PIEZO2: variants seen among roughly 807,000 people sequenced by gnomAD.
The protein encoded by PIEZO2 is piezo-type mechanosensitive ion channel component 2.
In PIEZO2, 172 loss-of-function variants were observed where a neutral mutation model predicts 337.3. That is an observed-to-expected ratio of 0.51 (90% CI 0.45 to 0.58). The LOEUF (loss-of-function observed/expected upper bound fraction) is 0.58, where lower values mean the gene tolerates loss of function less well. Ranked by LOEUF, PIEZO2 falls within the 20% of genes least tolerant of loss-of-function variation. PIEZO2 has a pLI of 0.00. For synonymous variants in PIEZO2, 1,251 were observed against 1,228.5 expected (o/e 1.02, Z -0.38); for missense variants, 3,028 against 3,391.3 (o/e 0.89, Z 2.66).
At chr18:10,918,915 T>C (rs1352877647) in intron 3 of PIEZO2, among the ~76,000 whole-genome samples, 2 of 152,054 alleles carry the variant, frequency 1.3e-5, no homozygotes, top group African/African-American at 4.8e-5. Context: ...ACTATACCTA[T>C]ATCTTTGAAC....
At chr18:10,720,609 C>T (rs1358814464) in intron 36 of PIEZO2, among the ~76,000 whole-genome samples, 2 of 150,348 alleles carry the variant, frequency 1.3e-5, no homozygotes, top group Non-Finnish European at 3.0e-5. Context: ...TGTGCAACAC[C>T]ACACCTGACT....
At position 10,854,695 on chromosome 18, in the gene PIEZO2, AT is replaced by A. The variant is rs2041652937; in HGVS notation, c.917+657del. On this transcript the variant is annotated intron_variant, in intron 7 of 55. Coordinates refer to ENST00000674853, the MANE Select transcript of PIEZO2 (RefSeq NM_001378183.1). This position sits in a 1 kb window ranked among gnomAD's most constrained non-coding sequence, Gnocchi z 4.6. ...TCTCTCTCACACCAGAGACTTATGT[AT>A]TTTCTTATTTATTTGTTTGTTGGTT... is the stretch of plus-strand genomic sequence containing the variant. Among the ~76,000 whole-genome samples the A allele has an allele frequency of 1.3e-5, 2 of 151,994 alleles. No individual in the cohort carries two copies. The highest frequency in any genetic ancestry group is 4.2e-4 in the South Asian group (2 of 4,804).
chr18:10,782,255 T>C (rs1372932165), intron 17 of PIEZO2, among the ~76,000 whole-genome samples: 3 of 104,828 alleles, frequency 2.9e-5, no homozygotes, highest in African/African-American at 1.1e-4. Context: ...TATGATATAT[T>C]ATATTATTAT....
At chr18:10,891,370 T>G (rs2144934582) in intron 4 of PIEZO2, among the ~76,000 whole-genome samples, 1 of 152,234 alleles carries the variant, frequency 6.6e-6, no homozygotes, top group African/African-American at 2.4e-5. Context: ...CAGTAAAAAG[T>G]TTGACTACCA....
chr18:11,103,059 G>A (rs1359857983), intron 1 of PIEZO2, among the ~76,000 whole-genome samples: 4 of 152,112 alleles, frequency 2.6e-5, no homozygotes, highest in Non-Finnish European at 4.4e-5. Flanking sequence ...TTGTGGAGGG[G>A]TTTGAGAGGA....
chr18:10,684,060 CCCTTCCTTCCTTCCTTTTT>C (rs1169253441), intron 49 of PIEZO2, among the ~76,000 whole-genome samples: 6 of 147,438 alleles, frequency 4.1e-5, no homozygotes, highest in South Asian at 4.4e-4. Flanking sequence ...CTCCCTCCCT[CCCTTCCTTCCTTCCTTTTT>C]CCTTCCTTCC....
At chr18:10,718,119 A>G in intron 37 of PIEZO2, 81 bp downstream of exon 37, 2 of 1,218,410 alleles carry the variant, frequency 1.6e-6, no homozygotes, top group Non-Finnish European at 2.3e-6. Context: ...ACAATTTTTC[A>G]GGCAGCCTTC....
chr18:10,865,119 G>A (rs1187051530), intron 5 of PIEZO2, among the ~76,000 whole-genome samples: 1 of 152,166 alleles, frequency 6.6e-6, no homozygotes, highest in Non-Finnish European at 1.5e-5. Flanking sequence ...AGAAGGGCAG[G>A]GTGGCTACAG....
At chr18:10,937,482 A>G (rs1287151417) in intron 3 of PIEZO2, among the ~76,000 whole-genome samples, 1 of 152,170 alleles carries the variant, frequency 6.6e-6, no homozygotes, top group Non-Finnish European at 1.5e-5. Flanking sequence ...ATTATTGGGA[A>G]GTCTCACAGA....
intron 20 of PIEZO2, among the ~76,000 whole-genome samples, chr18:10,771,639 A>G (rs2038607193): frequency 6.6e-6 from 1 of 152,238 alleles, no homozygotes; most frequent in South Asian, 2.1e-4. Flanking sequence ...TGCTTACAGT[A>G]GTTCTCTTTT....
At position 10,698,994 on chromosome 18, in the gene PIEZO2, T is replaced by C. The variant is rs892945487; in HGVS notation, c.6625A>G (p.Arg2209Gly). The C allele has an allele frequency of 2.6e-6, 4 of 1,536,984 alleles. No homozygotes were observed. The highest frequency in any genetic ancestry group is 8.7e-7 in the Non-Finnish European group (1 of 1,146,904). The change falls in exon 44 of 56, where the codon AGG (arginine) becomes GGG (glycine). Residue 2209 changes from arginine to glycine, a missense_variant. Coordinates refer to ENST00000674853, the MANE Select transcript of PIEZO2 (RefSeq NM_001378183.1). Reference sequence around the variant, plus strand: ...TCGGAGCTGCTGCCGGAGCGCTTCCTCCGGACAGCTGTCTGCTGCTCCGGG... The same window carrying C: ...TCGGAGCTGCTGCCGGAGCGCTTCCCCCGGACAGCTGTCTGCTGCTCCGGG... ...TFPEQQTAVR[R>G]KRSGSSSEPS...
At chr18:11,010,084 T>C (rs189900616) in intron 2 of PIEZO2, among the ~76,000 whole-genome samples, 59 of 152,330 alleles carry the variant, frequency 3.9e-4, no homozygotes, top group African/African-American at 1.4e-3. Flanking sequence ...AAGGAGCTCC[T>C]GAAACCTCAA....
At chr18:10,823,170 G>A (rs2040570181) in intron 7 of PIEZO2, among the ~76,000 whole-genome samples, 1 of 152,172 alleles carries the variant, frequency 6.6e-6, no homozygotes, top group African/African-American at 2.4e-5. Context: ...TTGCTGAAAT[G>A]TCTAGGTTCT....
Position 10,859,416 on chromosome 18 carries a change from C to CCACG in PIEZO2, c.493-2209_493-2206dup, listed in dbSNP as rs1166499067. 1.3e-5 allele frequency among the ~76,000 whole-genome samples: 2 copies of CCACG among 152,198 alleles called. No individual in the cohort carries two copies. The highest frequency in any genetic ancestry group is 2.9e-5 in the Non-Finnish European group (2 of 68,034). On this transcript the variant is annotated intron_variant, in intron 5 of 55. Transcript: ENST00000674853. This position sits in a 1 kb window ranked among gnomAD's most constrained non-coding sequence, Gnocchi z 4.9. Reference sequence around the variant, plus strand: ...AGACCACTCACCTGCAGCTGGCCTGCCACGCACGCACTCTGCCCTCCTCCT... The same window carrying CCACG: ...AGACCACTCACCTGCAGCTGGCCTGCCACGCACGCACGCACTCTGCCCTCCTCCT...
chr18:10,813,278 C>T lies in PIEZO2; in HGVS notation c.918-6004G>A, dbSNP rs1466746240. On this transcript the variant is annotated intron_variant, in intron 7 of 55. Transcript: ENST00000674853. The surrounding 1 kb of genome is among the most constrained non-coding windows in gnomAD (Gnocchi z 4.2). ...ACAGGAGTGAGCCACCGCGCCCGGG[C>T]CATTTTAAACATTTTTAAGAACACA... is the stretch of plus-strand genomic sequence containing the variant. Among the ~76,000 whole-genome samples, 2 of 152,158 alleles carry T rather than the reference C, an allele frequency of 1.3e-5. No homozygotes were observed. Among genetic ancestry groups the T allele is most frequent in the Non-Finnish European group, 2.9e-5 (2 of 68,034 alleles).
intron 2 of PIEZO2, among the ~76,000 whole-genome samples, chr18:11,062,103 C>T (rs1163068115): frequency 5.3e-5 from 8 of 152,100 alleles, no homozygotes; most frequent in South Asian, 4.2e-4. Flanking sequence ...GAAATAATGC[C>T]GCATACCTAC....
intron 2 of PIEZO2, among the ~76,000 whole-genome samples, chr18:11,054,892 A>T (rs1296442483): frequency 6.6e-6 from 1 of 152,186 alleles, no homozygotes; most frequent in Non-Finnish European, 1.5e-5. Context: ...ACTGGAGGGC[A>T]GAAGCACTGG....
At chr18:10,788,855 A>T (rs1165039869) in intron 15 of PIEZO2, among the ~76,000 whole-genome samples, 1 of 152,206 alleles carries the variant, frequency 6.6e-6, no homozygotes, top group Non-Finnish European at 1.5e-5. Flanking sequence ...AAAGTGCTGA[A>T]ATTACAGGCA....
At chr18:10,984,765 A>T (rs1384755342) in intron 2 of PIEZO2, among the ~76,000 whole-genome samples, 2 of 152,134 alleles carry the variant, frequency 1.3e-5, no homozygotes, top group Non-Finnish European at 2.9e-5. Context: ...GAGGTTGAGT[A>T]AAAAGAGGTC....
Sources: gnomAD v4.1 joint callset for allele counts (sites outside exome capture counted in the v4.1 genomes callset) on GRCh38, gnomAD v4.1.1 for gene constraint, Gnocchi (gnomAD v3.1) non-coding constraint, MANE v1.5 for transcripts, NCBI Gene and HGNC (gene_info 2026-07-23, HGNC 2026-07-21) for gene names.